PBX1: variants seen among roughly 807,000 people sequenced by gnomAD.
PBX1 encodes pre-B-cell leukemia transcription factor 1.
A neutral mutation model predicts 53.4 loss-of-function variants in PBX1; 6 were observed. That is an observed-to-expected ratio of 0.11 (90% CI 0.06 to 0.22). The LOEUF (loss-of-function observed/expected upper bound fraction) is 0.22. Ranked by LOEUF, PBX1 falls within the 10% of genes least tolerant of loss-of-function variation. The pLI is 1.00. For missense variants in PBX1, 251 were observed against 551.4 expected, an observed-to-expected ratio of 0.46 and a Z score of 5.46; for synonymous variants, 204 against 212.3, an observed-to-expected ratio of 0.96 and a Z score of 0.34.
intron 3 of PBX1, among the ~76,000 whole-genome samples, chr1:164,799,026 G>T (rs1352656811): frequency 6.6e-6 from 1 of 152,150 alleles, no homozygotes; most frequent in Non-Finnish European, 1.5e-5. Context: ...AAGGCAGAAA[G>T]CACATGATAC....
chr1:164,603,285 G>T (rs1656303120), intron 2 of PBX1, among the ~76,000 whole-genome samples: 1 of 151,902 alleles, frequency 6.6e-6, no homozygotes, highest in Middle Eastern at 3.2e-3. Context: ...GGTTGAAATT[G>T]ATGTTTGCAA....
intron 3 of PBX1, among the ~76,000 whole-genome samples, chr1:164,795,584 G>A (rs1025787658): frequency 6.6e-6 from 1 of 152,086 alleles, no homozygotes; most frequent in Non-Finnish European, 1.5e-5. Context: ...GTTTATATGG[G>A]CATTTTCTAG....
At chr1:164,702,654 C>A (rs1053299242) in intron 2 of PBX1, among the ~76,000 whole-genome samples, 7 of 151,694 alleles carry the variant, frequency 4.6e-5, no homozygotes, top group Non-Finnish European at 8.8e-5. Context: ...CAGGAAATAT[C>A]AGCCCTTTTC....
chr1:164,590,420 C>G lies in PBX1; in HGVS notation c.265+27109C>G, dbSNP rs1181025301. On this transcript the variant is annotated intron_variant, in intron 2 of 8. Transcript: ENST00000420696. ...CTTGCTTCTTCCCAATCGCCGCCGC[C>G]CCCCTGTGCTTCAGGTAAACAAGCT... is the stretch of plus-strand genomic sequence containing the variant. 5 of 455,820 alleles carry G rather than the reference C, an allele frequency of 1.1e-5. No individual in the cohort carries two copies. The East Asian group carries it at 3.5e-4, about 32-fold the overall frequency. The allele number at this position is 455,820 out of a possible 1,614,324, so 28.2% of individuals were successfully genotyped here. A position where few individuals can be genotyped will look rare whatever the true frequency, so the allele number is the denominator to read the frequency against.
chr1:164,692,785 G>T (rs1379201232), intron 2 of PBX1, among the ~76,000 whole-genome samples: 2 of 152,116 alleles, frequency 1.3e-5, no homozygotes, highest in African/African-American at 4.8e-5. Context: ...TAAAATCAAA[G>T]AAATTTTCTG....
chr1:164,693,279 T>A (rs1423689560), intron 2 of PBX1, among the ~76,000 whole-genome samples: 1 of 152,220 alleles, frequency 6.6e-6, no homozygotes, highest in African/African-American at 2.4e-5. Flanking sequence ...GGCCTTTGCC[T>A]GGTTTTCAGG....
intron 2 of PBX1, among the ~76,000 whole-genome samples, chr1:164,710,865 G>T (rs1663724682): frequency 6.6e-6 from 1 of 152,166 alleles, no homozygotes; most frequent in African/African-American, 2.4e-5. Flanking sequence ...TGAGAAGGAT[G>T]AACAGGGATG....
chr1:164,562,860 G>T (rs1209687265), intron 1 of PBX1: 1 of 153,882 alleles, frequency 6.5e-6, no homozygotes, highest in African/African-American at 2.4e-5. Context: ...GGCTGTGGTC[G>T]TTGCATGGAT....
chr1:164,795,156 A>G (rs1348134700), intron 3 of PBX1, among the ~76,000 whole-genome samples: 1 of 152,194 alleles, frequency 6.6e-6, no homozygotes, highest in African/African-American at 2.4e-5. Context: ...CTCCATTTTG[A>G]TGCAGGTGAG....
rs527278565 is a variant in PBX1 at position 164,597,432 on chromosome 1, A to T, written c.265+34121A>T. Among the ~76,000 whole-genome samples, 186 of 152,322 alleles carry T rather than the reference A, an allele frequency of 1.2e-3. 1 individual carries two copies. Among genetic ancestry groups the T allele is most frequent in the Non-Finnish European group, 1.2e-3 (84 of 68,028 alleles). ...CATAGTTCTATGACGACGTGGAACTATCTAGTTTTCTTGGAATAATGGTAT... is the reference window on the plus strand; with the variant it reads ...CATAGTTCTATGACGACGTGGAACTTTCTAGTTTTCTTGGAATAATGGTAT... On this transcript the variant is annotated intron_variant, in intron 2 of 8. Transcript: ENST00000420696.
At chr1:164,638,013 TC>T (rs1658888572) in intron 2 of PBX1, among the ~76,000 whole-genome samples, 1 of 152,334 alleles carries the variant, frequency 6.6e-6, no homozygotes, top group African/African-American at 2.4e-5. Context: ...CATCTCAATA[TC>T]AGTGGAATAT....
At position 164,848,523 on chromosome 1, in the gene PBX1, C is replaced by T. The variant is rs1671679340; in HGVS notation, c.*1847C>T. On this transcript the variant is annotated 3_prime_UTR_variant, in exon 9 of 9. Coordinates refer to ENST00000420696, the MANE Select transcript of PBX1 (RefSeq NM_002585.4). ...ACAATAAATGGTTTTCTTGTTGTAA[C>T]TTCTGGTTAATATCAGTACCTTGAT... is the stretch of plus-strand genomic sequence containing the variant. 9.4e-7 allele frequency: 1 copy of T among 1,059,300 alleles called. No individual in the cohort carries two copies. The highest frequency in any genetic ancestry group is 4.2e-4 in the Middle Eastern group (1 of 2,374). 65.6% of individuals were successfully genotyped at this position (1,059,300 alleles called of 1,614,324 possible).
intron 2 of PBX1, among the ~76,000 whole-genome samples, chr1:164,608,775 G>A (rs1329666457): frequency 6.6e-6 from 1 of 152,198 alleles, no homozygotes; most frequent in Non-Finnish European, 1.5e-5. Context: ...TTGTGATTCA[G>A]AGGGGCTTTC....
At chr1:164,796,130 C>T (rs746605227) in intron 3 of PBX1, among the ~76,000 whole-genome samples, 1 of 151,774 alleles carries the variant, frequency 6.6e-6, no homozygotes, top group African/African-American at 2.4e-5. Context: ...CTGCCTCAAC[C>T]ACCCAAGCAG....
intron 2 of PBX1, among the ~76,000 whole-genome samples, chr1:164,861,699 T>C (rs1237417485): frequency 2.0e-5 from 3 of 152,088 alleles, no homozygotes; most frequent in Admixed American, 2.0e-4. Context: ...GTAGAAGTTC[T>C]GGAGTAAATC....
intron 2 of PBX1, among the ~76,000 whole-genome samples, chr1:164,653,725 G>A (rs61803805): frequency 0.03 from 4,584 of 152,274 alleles, 104 homozygotes; most frequent in East Asian, 0.08. Context: ...AGCCAAGATG[G>A]TGCCACTGCA....
At chr1:164,691,011 CTTTTTTT>C (rs386368555) in intron 2 of PBX1, among the ~76,000 whole-genome samples, 1 of 106,478 alleles carries the variant, frequency 9.4e-6, no homozygotes, top group African/African-American at 3.5e-5. Flanking sequence ...GTTGTTAAAT[CTTTTTTT>C]TTTTTTTTTT....
intron 2 of PBX1, among the ~76,000 whole-genome samples, chr1:164,876,329 A>G (rs1571552854): frequency 6.6e-6 from 1 of 151,698 alleles, no homozygotes; most frequent in East Asian, 2.0e-4. Context: ...GTAACAGCAC[A>G]GTCTCCTCTG....
chr1:164,802,762 A>ACATTCATT (rs139103277), intron 4 of PBX1, among the ~76,000 whole-genome samples: 4 of 151,634 alleles, frequency 2.6e-5, no homozygotes, highest in African/African-American at 7.3e-5. Flanking sequence ...AAAATTCCAC[A>ACATTCATT]CATTCATTCA....
Sources: gnomAD v4.1 joint callset for allele counts (sites outside exome capture counted in the v4.1 genomes callset) on GRCh38, gnomAD v4.1.1 for gene constraint, MANE v1.5 for transcripts, NCBI Gene and HGNC (gene_info 2026-07-23, HGNC 2026-07-21) for gene names.